Variants in ASAP1 observed in about 807,000 individuals in gnomAD.
The protein encoded by ASAP1 is arf-GAP with SH3 domain, ANK repeat and PH domain-containing protein 1.
A neutral mutation model predicts 145.2 loss-of-function variants in ASAP1; 43 were observed. The observed-to-expected ratio is 0.30, with a 90% CI of 0.23 to 0.38. ASAP1 has a LOEUF of 0.38. ASAP1 is among the 10% of genes least tolerant of loss of function. The pLI, the probability that ASAP1 is intolerant of heterozygous loss-of-function variation, is 1.00. For missense variants in ASAP1, 1,018 were observed against 1,355.3 expected (o/e 0.75, Z 3.91); for synonymous variants, 546 against 515.5 (o/e 1.06, Z -0.80).
chr8:130,370,312 A>G (rs1180822580), intron 2 of ASAP1, among the ~76,000 whole-genome samples: 8 of 152,128 alleles, frequency 5.3e-5, no homozygotes, highest in Non-Finnish European at 1.0e-4. Flanking sequence ...CTCAAAAACA[A>G]ACAAACAAAC....
At chr8:130,309,261 G>A (rs55807402) in intron 3 of ASAP1, among the ~76,000 whole-genome samples, 2,729 of 152,240 alleles carry the variant, frequency 0.018, 95 homozygotes, top group African/African-American at 0.061. Flanking sequence ...AGAGACAGGT[G>A]AGCAATTAAT....
At chr8:130,144,828 C>T (rs1045296678) in intron 13 of ASAP1, among the ~76,000 whole-genome samples, 1 of 152,150 alleles carries the variant, frequency 6.6e-6, no homozygotes, top group South Asian at 2.1e-4. Context: ...ATCACTGTAT[C>T]TCCCAATCAT....
rs1224416877 is a variant in ASAP1 at position 130,358,786 on chromosome 8, T to C, written c.60-643A>G. Among the ~76,000 whole-genome samples, 2 of 140,550 alleles carry C rather than the reference T, an allele frequency of 1.4e-5. No homozygotes were observed. Among genetic ancestry groups the C allele is most frequent in the East Asian group, 4.2e-4 (2 of 4,780 alleles). The allele number at this position is 140,550 out of a possible 152,430, so 92.2% of individuals were successfully genotyped here. ...CCGCTCGCGCACAGCCCCTGGGGCCTGGCTCCGAAGCTGCCGCTCCCGACC... is the reference window on the plus strand; with the variant it reads ...CCGCTCGCGCACAGCCCCTGGGGCCCGGCTCCGAAGCTGCCGCTCCCGACC... On this transcript the variant is annotated intron_variant, in intron 2 of 29. Transcript: ENST00000518721. The surrounding 1 kb of genome is among the most constrained non-coding windows in gnomAD (Gnocchi z 4.1).
intron 1 of ASAP1, among the ~76,000 whole-genome samples, chr8:130,430,833 A>G (rs1019608952): frequency 7.2e-5 from 11 of 152,226 alleles, no homozygotes; most frequent in Non-Finnish European, 1.5e-4. Flanking sequence ...CTCTCTTCTC[A>G]AGCTCAGACC....
At chr8:130,064,364 C>T (rs2097425655) in intron 27 of ASAP1, among the ~76,000 whole-genome samples, 1 of 152,090 alleles carries the variant, frequency 6.6e-6, no homozygotes, top group African/African-American at 2.4e-5. Context: ...GTGAGAGAAA[C>T]GGAAGAGCTA....
chr8:130,262,450 GAGAGA>G lies in ASAP1; in HGVS notation c.187-25461_187-25457del, dbSNP rs1565149048. Among the ~76,000 whole-genome samples the G allele has an allele frequency of 1.7e-3, 171 of 97,752 alleles. 4 individuals are homozygous for G. Among genetic ancestry groups the G allele is most frequent in the East Asian group, 6.7e-3 (13 of 1,946 alleles). 64.1% of individuals were successfully genotyped at this position (97,752 alleles called of 152,430 possible). Reference sequence around the variant, plus strand: ...AGAGAGAGAGAGAGAGAGAGAGAGAGAGAGAGAACCTGTGGAATTTCAGATAGGTT... The same window carrying G: ...AGAGAGAGAGAGAGAGAGAGAGAGAGGAACCTGTGGAATTTCAGATAGGTT... On this transcript the variant is annotated intron_variant, in intron 3 of 29. Transcript: ENST00000518721.
At chr8:130,403,383 G>A (rs975570471) in intron 1 of ASAP1, among the ~76,000 whole-genome samples, 2 of 151,542 alleles carry the variant, frequency 1.3e-5, no homozygotes, top group East Asian at 1.9e-4. Flanking sequence ...AAATTTGATT[G>A]TGTCATCCCT....
intron 18 of ASAP1, among the ~76,000 whole-genome samples, chr8:130,123,066 T>C (rs1428543256): frequency 6.6e-6 from 1 of 151,538 alleles, no homozygotes; most frequent in African/African-American, 2.4e-5. Context: ...TAATTTGTGC[T>C]TTTTTTTTCC....
At chr8:130,099,024 T>A (rs2097524005) in intron 24 of ASAP1, among the ~76,000 whole-genome samples, 1 of 150,516 alleles carries the variant, frequency 6.6e-6, no homozygotes, top group Non-Finnish European at 1.5e-5. Context: ...TTTTTTTTTT[T>A]TTTTTTGAGA....
intron 12 of ASAP1, among the ~76,000 whole-genome samples, chr8:130,153,411 C>G (rs1380512998): frequency 7.2e-6 from 1 of 139,768 alleles, no homozygotes; most frequent in African/African-American, 2.7e-5. Flanking sequence ...GCTCTGACAT[C>G]CAGGCTAGAG....
At chr8:130,120,280 A>G (rs2097563630) in intron 18 of ASAP1, among the ~76,000 whole-genome samples, 1 of 152,240 alleles carries the variant, frequency 6.6e-6, no homozygotes, top group Non-Finnish European at 1.5e-5. Flanking sequence ...CATGTGTCTT[A>G]TATAAAGTGT....
At position 130,092,938 on chromosome 8, in the gene ASAP1, TAA is replaced by T. The variant is rs35191776; in HGVS notation, c.2402-797_2402-796del. Among the ~76,000 whole-genome samples, 516 of 137,286 alleles carry T rather than the reference TAA, an allele frequency of 3.8e-3. 1 individual carries two copies. Among genetic ancestry groups the T allele is most frequent in the African/African-American group, 9.4e-3 (350 of 37,074 alleles). The allele number at this position is 137,286 out of a possible 152,430, so 90.1% of individuals were successfully genotyped here. A position where few individuals can be genotyped will look rare whatever the true frequency, so the allele number is the denominator to read the frequency against. ...TCAGCAAACTGCCTGACGCTTTTCT[TAA>T]AAAAAAAAAAAAAAAAATTAAGGCT... On this transcript the variant is annotated intron_variant, in intron 24 of 29. Transcript: ENST00000518721.
At chr8:130,247,041 A>G (rs189461953) in intron 3 of ASAP1, 1 of 152,306 alleles carries the variant, frequency 6.6e-6, no homozygotes, top group Non-Finnish European at 1.5e-5. Flanking sequence ...ACGGCTACAA[A>G]CACAAGCTTT....
intron 2 of ASAP1, chr8:130,360,673 A>G (rs1295518540): frequency 6.6e-6 from 1 of 152,242 alleles, no homozygotes; most frequent in African/African-American, 2.4e-5. Context: ...TAGTAAATAA[A>G]TAAACAGGCA....
chr8:130,231,387 G>A (rs1462909498), intron 4 of ASAP1, among the ~76,000 whole-genome samples: 1 of 152,092 alleles, frequency 6.6e-6, no homozygotes, highest in Non-Finnish European at 1.5e-5. Context: ...ATATACCACT[G>A]TCATTTTTTT....
intron 17 of ASAP1, among the ~76,000 whole-genome samples, chr8:130,125,391 C>G (rs901473780): frequency 3.9e-5 from 6 of 152,082 alleles, no homozygotes; most frequent in African/African-American, 1.4e-4. Flanking sequence ...TAAAGGAAAA[C>G]AAGTTTAAGT....
At chr8:130,424,067 G>A (rs1176887388) in intron 1 of ASAP1, among the ~76,000 whole-genome samples, 1 of 152,118 alleles carries the variant, frequency 6.6e-6, no homozygotes, top group Non-Finnish European at 1.5e-5. Context: ...TGCATGGCAT[G>A]TGAATTATAT....
At chr8:130,258,757 T>C (rs942685094) in intron 3 of ASAP1, among the ~76,000 whole-genome samples, 3 of 152,182 alleles carry the variant, frequency 2.0e-5, no homozygotes, top group Admixed American at 2.0e-4. Context: ...ATTATGACTG[T>C]CTCTCACACA....
rs76038214 is a variant in ASAP1 at position 130,247,722 on chromosome 8, A to G, written c.187-10728T>C. Among the ~76,000 whole-genome samples the G allele has an allele frequency of 1.3e-3, 192 of 152,292 alleles. 2 individuals carry two copies. In the East Asian group the frequency reaches 0.031, roughly 24 times the overall value. ...GCAGGTCAGACGTGAGCTGCACATC[A>G]GCCATTTCACATAGGTCTATCTGCT... On this transcript the variant is annotated intron_variant, in intron 3 of 29. Coordinates refer to ENST00000518721, the MANE Select transcript of ASAP1 (RefSeq NM_018482.4).
Sources: allele counts gnomAD v4.1 joint callset (sites outside exome capture counted in the v4.1 genomes callset), GRCh38; gene constraint gnomAD v4.1.1; non-coding constraint Gnocchi (gnomAD v3.1); transcripts MANE v1.5; gene names NCBI Gene and HGNC (gene_info 2026-07-23, HGNC 2026-07-21).